Variants in RABGAP1L observed in about 807,000 individuals in gnomAD.
RABGAP1L encodes rab GTPase-activating protein 1-like.
A neutral mutation model predicts 137.7 loss-of-function variants in RABGAP1L; 63 were observed. The ratio of observed to expected loss-of-function variants is 0.46; its 90% confidence interval spans 0.37 to 0.56. The LOEUF (loss-of-function observed/expected upper bound fraction) is 0.56, where lower values mean the gene tolerates loss of function less well. Ranked by LOEUF, RABGAP1L falls within the 20% of genes least tolerant of loss-of-function variation. The pLI is 0.00. For synonymous variants in RABGAP1L, 431 were observed against 433.7 expected, an observed-to-expected ratio of 0.99 and a Z score of 0.08; for missense variants, 1,095 against 1,244.0, an observed-to-expected ratio of 0.88 and a Z score of 1.80.
intron 19 of RABGAP1L, among the ~76,000 whole-genome samples, chr1:174,942,134 C>G (rs1665988452): frequency 6.6e-6 from 1 of 152,144 alleles, no homozygotes; most frequent in Non-Finnish European, 1.5e-5. Context: ...GAGTAATTGT[C>G]CATAACTACA....
At chr1:174,223,863 A>G (rs1304719560) in intron 3 of RABGAP1L, among the ~76,000 whole-genome samples, 1 of 152,210 alleles carries the variant, frequency 6.6e-6, no homozygotes, top group East Asian at 1.9e-4. Context: ...GGCTTGTTAT[A>G]GAAGTGAATC....
intron 13 of RABGAP1L, among the ~76,000 whole-genome samples, chr1:174,585,063 T>C (rs529783984): frequency 2.0e-5 from 3 of 152,334 alleles, no homozygotes; most frequent in Admixed American, 2.0e-4. Context: ...AAAAAGAGAA[T>C]GTAAAATATT....
At chr1:174,788,967 G>A (rs565340978) in intron 18 of RABGAP1L, among the ~76,000 whole-genome samples, 2 of 152,246 alleles carry the variant, frequency 1.3e-5, no homozygotes, top group South Asian at 4.1e-4. Context: ...TCTCTCTTCA[G>A]CCACCCAAAG....
At chr1:174,719,230 T>C (rs893695030) in intron 17 of RABGAP1L, among the ~76,000 whole-genome samples, 1 of 152,190 alleles carries the variant, frequency 6.6e-6, no homozygotes, top group Non-Finnish European at 1.5e-5. Flanking sequence ...TTTATCTATT[T>C]TTCTCCAAGA....
chr1:174,396,414 C>T lies in RABGAP1L; in HGVS notation c.1710+2269C>T, dbSNP rs549526396. The stretch of plus-strand genomic sequence containing the variant: ...ATAGCATTTTTAATTATCTTTTTTA[C>T]ATCCTATCTAAATTTCTGTGCTTTA... On this transcript the variant is annotated intron_variant, in intron 13 of 25. Coordinates refer to ENST00000681986, the MANE Select transcript of RABGAP1L (RefSeq NM_001366446.1). Among the ~76,000 whole-genome samples the T allele has an allele frequency of 1.3e-3, 203 of 152,002 alleles. 6 individuals carry two copies. In the South Asian group the frequency reaches 0.04, roughly 30 times the overall value.
At chr1:174,636,456 A>C (rs1484379816) in intron 13 of RABGAP1L, among the ~76,000 whole-genome samples, 3 of 149,812 alleles carry the variant, frequency 2.0e-5, no homozygotes, top group Admixed American at 6.8e-5. Context: ...TGAACCCGGG[A>C]GGCGGAGGTT....
chr1:174,389,701 A>G (rs956092014), intron 12 of RABGAP1L, among the ~76,000 whole-genome samples: 2 of 152,126 alleles, frequency 1.3e-5, no homozygotes, highest in African/African-American at 4.8e-5. Context: ...AATTATATTC[A>G]TTCACTTACC....
intron 17 of RABGAP1L, among the ~76,000 whole-genome samples, chr1:174,731,482 CTG>C (rs1185481556): frequency 6.6e-6 from 1 of 152,148 alleles, no homozygotes; most frequent in Non-Finnish European, 1.5e-5. Flanking sequence ...GCTTTTACAT[CTG>C]TGAAAAATAG....
intron 13 of RABGAP1L, among the ~76,000 whole-genome samples, chr1:174,541,930 C>T (rs1048456807): frequency 1.3e-5 from 2 of 152,126 alleles, no homozygotes; most frequent in South Asian, 4.1e-4. Context: ...GCCTTGCATC[C>T]CAGGGATAAA....
At chr1:174,606,879 C>T (rs1488652807) in intron 13 of RABGAP1L, among the ~76,000 whole-genome samples, 2 of 152,078 alleles carry the variant, frequency 1.3e-5, no homozygotes, top group East Asian at 3.8e-4. Context: ...ACACAGCTAG[C>T]GTCTGAAGTA....
At chr1:174,162,771 C>T (rs945039084) in intron 1 of RABGAP1L, among the ~76,000 whole-genome samples, 931 of 39,444 alleles carry the variant, frequency 0.024, no homozygotes, top group Middle Eastern at 0.038. Flanking sequence ...TTTTTTTTCT[C>T]TTTCTGTTTT....
intron 19 of RABGAP1L, among the ~76,000 whole-genome samples, chr1:174,916,643 CAA>C (rs1370521829): frequency 1.3e-5 from 2 of 152,272 alleles, no homozygotes; most frequent in East Asian, 3.9e-4. Context: ...ATACACAATC[CAA>C]ATTTGATGTG....
At chr1:174,708,647 T>C (rs1459220130) in intron 17 of RABGAP1L, among the ~76,000 whole-genome samples, 1 of 152,168 alleles carries the variant, frequency 6.6e-6, no homozygotes, top group African/African-American at 2.4e-5. Flanking sequence ...CTTCGCAACC[T>C]ACAGACCAGG....
chr1:174,262,974 G>GTGA (rs1363653724), intron 7 of RABGAP1L, among the ~76,000 whole-genome samples: 1 of 152,244 alleles, frequency 6.6e-6, no homozygotes, highest in Non-Finnish European at 1.5e-5. Context: ...GGGACATCCA[G>GTGA]TGATGCTGTG....
In RABGAP1L at chr1:174,990,020, A is replaced by C. The variant is rs1558312325; in HGVS notation, c.*19A>C. On this transcript the variant is annotated 3_prime_UTR_variant, in exon 26 of 26. Transcript: ENST00000681986. ...CACATAGTTCCAGCCTTACCCAAGC[A>C]CAAGAGCACAATGTTCAAACCAATG... 6.6e-7 allele frequency: 1 copy of C among 1,514,894 alleles called. No homozygotes were observed. Among genetic ancestry groups the C allele is most frequent in the Non-Finnish European group, 9.0e-7 (1 of 1,115,232 alleles). The allele number at this position is 1,514,894 out of a possible 1,614,324, so 93.8% of individuals were successfully genotyped here.
intron 17 of RABGAP1L, among the ~76,000 whole-genome samples, chr1:174,738,715 C>T (rs1459590695): frequency 6.6e-6 from 1 of 152,160 alleles, no homozygotes; most frequent in African/African-American, 2.4e-5. Flanking sequence ...TCTTCTAACT[C>T]CTGCTCTAAA....
chr1:174,695,160 T>C (rs533345233), intron 15 of RABGAP1L, among the ~76,000 whole-genome samples: 1 of 152,278 alleles, frequency 6.6e-6, no homozygotes, highest in Non-Finnish European at 1.5e-5. Flanking sequence ...TATGCATCAC[T>C]TTTCAACTCC....
At chr1:174,641,259 T>TGTC (rs759262167) in intron 14 of RABGAP1L, among the ~76,000 whole-genome samples, 80 of 152,164 alleles carry the variant, frequency 5.3e-4, no homozygotes, top group Non-Finnish European at 8.2e-4. Context: ...TGATTTGAAC[T>TGTC]GTCACATTAG....
At chr1:174,223,336 A>G (rs1006255611) in intron 3 of RABGAP1L, among the ~76,000 whole-genome samples, 3 of 146,420 alleles carry the variant, frequency 2.0e-5, no homozygotes, top group Non-Finnish European at 4.5e-5. Context: ...CCAGCTGCTC[A>G]GGAGGCTGAG....
Sources: allele counts gnomAD v4.1 joint callset (sites outside exome capture counted in the v4.1 genomes callset), GRCh38; gene constraint gnomAD v4.1.1; transcripts MANE v1.5; gene names NCBI Gene and HGNC (gene_info 2026-07-23, HGNC 2026-07-21).